Variants in UNC5D observed in about 807,000 individuals in gnomAD.
UNC5D encodes the protein unc-5 netrin receptor D.
UNC5D carries 39 observed loss-of-function variants against 105.4 expected under a neutral mutation model. That is an observed-to-expected ratio of 0.37 (90% CI 0.29 to 0.48). UNC5D has a LOEUF of 0.48. Ranked by LOEUF, UNC5D falls within the 20% of genes least tolerant of loss-of-function variation. The probability of loss-of-function intolerance (pLI) is 0.98; values close to 1 mark genes in which losing one functional copy is unlikely to be tolerated. For missense variants in UNC5D, 991 were observed against 1,202.4 expected (o/e 0.82, Z 2.60); for synonymous variants, 452 against 450.4 (o/e 1.00, Z -0.04).
At chr8:35,497,817 C>A (rs952362328) in intron 1 of UNC5D, among the ~76,000 whole-genome samples, 2 of 151,806 alleles carry the variant, frequency 1.3e-5, no homozygotes, top group African/African-American at 4.8e-5. Context: ...CACCTGTAAT[C>A]CAAGATCTTT....
At chr8:35,608,020 C>T (rs1184200422) in intron 4 of UNC5D, among the ~76,000 whole-genome samples, 1 of 152,082 alleles carries the variant, frequency 6.6e-6, no homozygotes, top group East Asian at 1.9e-4. Context: ...TGACTGTAAT[C>T]CTGCATGGCC....
intron 1 of UNC5D, among the ~76,000 whole-genome samples, chr8:35,249,027 T>TTATATAATATATTATATATAAACA (rs1563248814): frequency 3.1e-5 from 1 of 32,646 alleles, no homozygotes; most frequent in Non-Finnish European, 7.4e-5. Flanking sequence ...TTATATATGT[T>TTATATAATATATTATATATAAACA]TATATAATAT....
At chr8:35,599,415 A>G (rs1819700427) in intron 4 of UNC5D, among the ~76,000 whole-genome samples, 2 of 152,312 alleles carry the variant, frequency 1.3e-5, no homozygotes, top group Middle Eastern at 3.4e-3. Flanking sequence ...TACATACATT[A>G]TTTAGCCTTA....
intron 1 of UNC5D, among the ~76,000 whole-genome samples, chr8:35,301,561 G>A (rs1240811942): frequency 2.0e-5 from 3 of 152,252 alleles, no homozygotes; most frequent in Admixed American, 6.5e-5. Flanking sequence ...GCCTTACTTC[G>A]GCATGGTAGG....
At chr8:35,436,923 T>A (rs1421023107) in intron 1 of UNC5D, among the ~76,000 whole-genome samples, 1 of 152,122 alleles carries the variant, frequency 6.6e-6, no homozygotes, top group Non-Finnish European at 1.5e-5. Context: ...ACCTAGAAAC[T>A]TTTAAATATG....
intron 10 of UNC5D, chr8:35,726,744 C>G: frequency 1.5e-6 from 1 of 675,000 alleles, no homozygotes; most frequent in Non-Finnish European, 2.4e-6. Flanking sequence ...ATTGAATGCT[C>G]CCTTTGATTC....
intron 1 of UNC5D, among the ~76,000 whole-genome samples, chr8:35,247,349 T>G (rs1233005781): frequency 2.7e-5 from 4 of 149,702 alleles, no homozygotes; most frequent in African/African-American, 7.4e-5. Flanking sequence ...GTAGCAGAAA[T>G]AATATTGTAA....
At chr8:35,296,565 G>A (rs1041340836) in intron 1 of UNC5D, among the ~76,000 whole-genome samples, 14 of 152,018 alleles carry the variant, frequency 9.2e-5, no homozygotes, top group African/African-American at 2.2e-4. Flanking sequence ...GATTACAGGC[G>A]CCCATCCCCA....
chr8:35,526,773 A>T (rs1236599874), intron 1 of UNC5D, among the ~76,000 whole-genome samples: 1 of 151,932 alleles, frequency 6.6e-6, no homozygotes, highest in Admixed American at 6.6e-5. Context: ...CCGAGTATTC[A>T]AATGCCTCCC....
chr8:35,689,980 G>A (rs1826274367), intron 7 of UNC5D, among the ~76,000 whole-genome samples: 1 of 152,162 alleles, frequency 6.6e-6, no homozygotes. Flanking sequence ...AACATAGCTA[G>A]GAAGATAGGC....
At chr8:35,626,004 C>T (rs374425017) in intron 4 of UNC5D, among the ~76,000 whole-genome samples, 1 of 152,090 alleles carries the variant, frequency 6.6e-6, no homozygotes, top group East Asian at 1.9e-4. Flanking sequence ...TTAAATTGCT[C>T]CTTGGCAGAT....
At chr8:35,350,390 G>A (rs888220671) in intron 1 of UNC5D, among the ~76,000 whole-genome samples, 2 of 151,994 alleles carry the variant, frequency 1.3e-5, no homozygotes, top group Non-Finnish European at 2.9e-5. Context: ...TAGCGTAGGT[G>A]TCTTTGTCTA....
chr8:35,774,319 T>G lies in UNC5D; in HGVS notation c.2499T>G (p.Thr833=). The G allele has an allele frequency of 6.2e-7, 1 of 1,614,086 alleles. No individual in the cohort carries two copies. Among genetic ancestry groups the G allele is most frequent in the Non-Finnish European group, 8.5e-7 (1 of 1,179,978 alleles). ...SILESERETI[T]FFAQEDSTFP... The stretch of plus-strand genomic sequence containing the variant: ...TATAGAGTGAACGAGAAACCATCAC[T>G]TTCTTCGCACAAGAGGACAGCACTT... Residue 833 remains threonine (T), a synonymous_variant, in exon 16 of 17, where the codon ACT becomes ACG. Transcript: ENST00000404895.
intron 9 of UNC5D, chr8:35,724,181 T>C (rs1828735517): frequency 6.7e-7 from 1 of 1,483,896 alleles, no homozygotes; most frequent in East Asian, 2.5e-5. Context: ...CTTATGTGTA[T>C]TGTAAATCTC....
intron 1 of UNC5D, among the ~76,000 whole-genome samples, chr8:35,463,853 T>C (rs1281229181): frequency 6.6e-6 from 1 of 152,030 alleles, no homozygotes; most frequent in Non-Finnish European, 1.5e-5. Context: ...TCACAGCATG[T>C]AGAGTAGTGC....
intron 1 of UNC5D, among the ~76,000 whole-genome samples, chr8:35,514,692 T>C (rs979682801): frequency 6.6e-6 from 1 of 152,222 alleles, no homozygotes; most frequent in African/African-American, 2.4e-5. Context: ...TAGTGGCAAT[T>C]CAAACAAAAA....
Position 35,425,863 on chromosome 8 carries a change from CATATA to C in UNC5D, c.104-123423_104-123419del, listed in dbSNP as rs145517424. Among the ~76,000 whole-genome samples, 44 of 152,204 alleles carry C rather than the reference CATATA, an allele frequency of 2.9e-4. 2 individuals carry two copies. The East Asian group carries it at 6.6e-3, about 23-fold the overall frequency. On this transcript the variant is annotated intron_variant, in intron 1 of 16. Transcript: ENST00000404895. The stretch of plus-strand genomic sequence containing the variant: ...TAGGATACATAGTTATGTTTTGATA[CATATA>C]ATATATAGTGATCAGACTGGCGTTT...
At chr8:35,519,416 C>T (rs560696144) in intron 1 of UNC5D, among the ~76,000 whole-genome samples, 90 of 152,170 alleles carry the variant, frequency 5.9e-4, no homozygotes, top group African/African-American at 1.9e-3. Flanking sequence ...TACCCACATG[C>T]GCATAAGCAG....
chr8:35,629,849 T>C (rs1821931300), intron 4 of UNC5D, among the ~76,000 whole-genome samples: 1 of 152,130 alleles, frequency 6.6e-6, no homozygotes, highest in African/African-American at 2.4e-5. Context: ...CCACCCCAGG[T>C]CGTAAAAGTA....
Sources: allele counts gnomAD v4.1 joint callset (sites outside exome capture counted in the v4.1 genomes callset), GRCh38; gene constraint gnomAD v4.1.1; transcripts MANE v1.5; gene names NCBI Gene and HGNC (gene_info 2026-07-23, HGNC 2026-07-21).